IQGAP2: variants seen among roughly 807,000 people sequenced by gnomAD.
The protein encoded by IQGAP2 is IQ motif containing GTPase activating protein 2.
In IQGAP2, 173 loss-of-function variants were observed where a neutral mutation model predicts 201.3. The ratio of observed to expected loss-of-function variants is 0.86; its 90% confidence interval spans 0.76 to 0.98. The LOEUF is 0.98. Among genes scored for constraint, IQGAP2 ranks in the 50% least tolerant of loss-of-function variants. The probability of loss-of-function intolerance (pLI) is 0.00; values close to 1 mark genes in which losing one functional copy is unlikely to be tolerated. For synonymous variants in IQGAP2, 675 were observed against 673.9 expected (o/e 1.00, Z -0.03); for missense variants, 1,687 against 1,864.8 (o/e 0.90, Z 1.76).
At chr5:76,426,610 C>G (rs1311061103) in intron 1 of IQGAP2, among the ~76,000 whole-genome samples, 1 of 152,182 alleles carries the variant, frequency 6.6e-6, no homozygotes, top group Non-Finnish European at 1.5e-5. Context: ...TCTTATGAGT[C>G]CTGGCTCCTT....
chr5:76,422,622 G>A (rs1345034345), intron 1 of IQGAP2, among the ~76,000 whole-genome samples: 1 of 152,136 alleles, frequency 6.6e-6, no homozygotes, highest in Non-Finnish European at 1.5e-5. Flanking sequence ...TACTTCAGTG[G>A]AAAAATCCTG....
chr5:76,496,706 TTC>T lies in IQGAP2; in HGVS notation c.146+35039_146+35040del, dbSNP rs751350078. Reference sequence around the variant, plus strand: ...AATATTTTTCTTTCTTTCTGTCTCTTTCTTTCTTTCTTTCTTTCTTTTCTTTC... The same window carrying T: ...AATATTTTTCTTTCTTTCTGTCTCTTTTTCTTTCTTTCTTTCTTTTCTTTC... On this transcript the variant is annotated intron_variant, in intron 2 of 35. Coordinates refer to ENST00000274364, the MANE Select transcript of IQGAP2 (RefSeq NM_006633.5). Among the ~76,000 whole-genome samples the T allele has an allele frequency of 8.6e-4, 12 of 13,946 alleles. No homozygotes were observed. In the South Asian group the frequency reaches 9.2e-3, roughly 11 times the overall value. The allele number at this position is 13,946 out of a possible 152,430, so 9.1% of individuals were successfully genotyped here. A position where few individuals can be genotyped will look rare whatever the true frequency, so the allele number is the denominator to read the frequency against.
chr5:76,580,793 C>A (rs1745796431), intron 5 of IQGAP2, among the ~76,000 whole-genome samples: 1 of 152,196 alleles, frequency 6.6e-6, no homozygotes, highest in South Asian at 2.1e-4. Context: ...CAGGATGTTC[C>A]AGTCCTATCC....
At chr5:76,559,776 T>C (rs1744228683) in intron 2 of IQGAP2, among the ~76,000 whole-genome samples, 1 of 152,192 alleles carries the variant, frequency 6.6e-6, no homozygotes, top group South Asian at 2.1e-4. Flanking sequence ...GGGTTTTCTC[T>C]GGGGACTCGT....
At chr5:76,663,283 T>C (rs1224426435) in intron 21 of IQGAP2, among the ~76,000 whole-genome samples, 1 of 152,210 alleles carries the variant, frequency 6.6e-6, no homozygotes, top group Non-Finnish European at 1.5e-5. Context: ...ACACTGCCCA[T>C]AGTGCCCCTC....
intron 1 of IQGAP2, among the ~76,000 whole-genome samples, chr5:76,458,742 TGAGTA>T (rs1054781668): frequency 5.9e-5 from 9 of 152,216 alleles, no homozygotes; most frequent in Non-Finnish European, 1.0e-4. Context: ...GAACATTAGT[TGAGTA>T]AAGTCCACAG....
intron 1 of IQGAP2, among the ~76,000 whole-genome samples, chr5:76,409,208 T>C (rs1337232981): frequency 6.6e-6 from 1 of 151,786 alleles, no homozygotes; most frequent in African/African-American, 2.4e-5. Flanking sequence ...TGCTGAATTT[T>C]TTCCTCCCAA....
At chr5:76,439,168 T>C (rs1240665855) in intron 1 of IQGAP2, among the ~76,000 whole-genome samples, 1 of 152,252 alleles carries the variant, frequency 6.6e-6, no homozygotes, top group African/African-American at 2.4e-5. Flanking sequence ...TTTTGAAGGT[T>C]ACTTTTGGAG....
chr5:76,648,772 A>G (rs1752284605), intron 17 of IQGAP2, among the ~76,000 whole-genome samples: 2 of 152,262 alleles, frequency 1.3e-5, no homozygotes, highest in East Asian at 1.9e-4. Flanking sequence ...TGGAAACCCA[A>G]TGAATAGTCT....
At chr5:76,609,025 GT>G in intron 12 of IQGAP2, 1 of 1,381,988 alleles carries the variant, frequency 7.2e-7, no homozygotes, top group African/African-American at 1.4e-5. Context: ...AACAGAGGAA[GT>G]GATGCATATG....
chr5:76,488,434 T>C (rs1057388077), intron 2 of IQGAP2, among the ~76,000 whole-genome samples: 1 of 152,240 alleles, frequency 6.6e-6, no homozygotes, highest in Admixed American at 6.5e-5. Context: ...GCCTATCTTT[T>C]AAGATTGACC....
chr5:76,592,097 C>T (rs1469845507), intron 8 of IQGAP2, among the ~76,000 whole-genome samples: 1 of 152,190 alleles, frequency 6.6e-6, no homozygotes, highest in African/African-American at 2.4e-5. Context: ...GGTCTCTCTG[C>T]CTCCTGTTAC....
At chr5:76,517,646 G>A (rs2150190227) in intron 2 of IQGAP2, among the ~76,000 whole-genome samples, 1 of 151,026 alleles carries the variant, frequency 6.6e-6, no homozygotes, top group South Asian at 2.1e-4. Flanking sequence ...GAAAGACACT[G>A]TAAAGCAGAA....
rs771984443 is a variant in IQGAP2, at chr5:76,553,037, A to G, written c.147-9359A>G. Reference sequence around the variant, plus strand: ...CAAATAAGTTTTGTATGAGAGAAAGATAGGGGCCCGTAGATGCCCACTTTA... The same window carrying G: ...CAAATAAGTTTTGTATGAGAGAAAGGTAGGGGCCCGTAGATGCCCACTTTA... On this transcript the variant is annotated intron_variant, in intron 2 of 35. Transcript: ENST00000274364. 7.9e-5 allele frequency among the ~76,000 whole-genome samples: 12 copies of G among 152,356 alleles called. No individual in the cohort carries two copies. The Middle Eastern group carries it at 0.014, about 173-fold the overall frequency.
At position 76,600,984 on chromosome 5, in the gene IQGAP2, T is replaced by G. The variant is rs766474754; in HGVS notation, c.1232+12T>G. 4 of 1,606,302 alleles carry G rather than the reference T, an allele frequency of 2.5e-6. No homozygotes were observed. In the South Asian group the frequency reaches 4.4e-5, roughly 18 times the overall value. On this transcript the variant is annotated intron_variant, in intron 11 of 35. Coordinates refer to ENST00000274364, the MANE Select transcript of IQGAP2 (RefSeq NM_006633.5). ...GCATATGTGGAACGGTAAGGAACAT[T>G]TTCCAAACCTTCTTTCAATGCAGAA...
chr5:76,587,126 C>T (rs1043423292), intron 5 of IQGAP2, among the ~76,000 whole-genome samples: 1 of 152,120 alleles, frequency 6.6e-6, no homozygotes, highest in Non-Finnish European at 1.5e-5. Flanking sequence ...ACACTGTTGA[C>T]AGTATAGGTT....
Position 76,592,820 on chromosome 5 carries a change from G to A in IQGAP2, c.820-18G>A. 6.6e-7 allele frequency: 1 copy of A among 1,512,264 alleles called. No homozygotes were observed. Among genetic ancestry groups the A allele is most frequent in the Non-Finnish European group, 9.2e-7 (1 of 1,090,982 alleles). 93.7% of individuals were successfully genotyped at this position (1,512,264 alleles called of 1,614,324 possible). The stretch of plus-strand genomic sequence containing the variant: ...ATTTTATTTAACCTCAGAAATCAGT[G>A]AAGACTTTGTTTTGCAGAATAGCTG... On this transcript the variant is annotated intron_variant, in intron 8 of 35. Transcript: ENST00000274364.
intron 1 of IQGAP2, among the ~76,000 whole-genome samples, chr5:76,408,184 A>G (rs1429375249): frequency 2.0e-5 from 3 of 152,206 alleles, no homozygotes; most frequent in African/African-American, 4.8e-5. Flanking sequence ...CCTAGTATAC[A>G]AACAGATCTA....
intron 2 of IQGAP2, among the ~76,000 whole-genome samples, chr5:76,485,231 C>G (rs1244560412): frequency 2.6e-5 from 4 of 152,168 alleles, no homozygotes; most frequent in Non-Finnish European, 4.4e-5. Flanking sequence ...GGCCAGAACC[C>G]AATTCTCTGG....
Sources: allele counts gnomAD v4.1 joint callset (sites outside exome capture counted in the v4.1 genomes callset), GRCh38; gene constraint gnomAD v4.1.1; transcripts MANE v1.5; gene names NCBI Gene and HGNC (gene_info 2026-07-23, HGNC 2026-07-21).